INTS4: variants seen among roughly 807,000 people sequenced by gnomAD.
INTS4 encodes integrator complex subunit 4, also known as MSTP093.
In INTS4, 70 loss-of-function variants were observed where a neutral mutation model predicts 119.5. The observed-to-expected ratio is 0.59, with a 90% CI of 0.48 to 0.71. The LOEUF is 0.71. Ranked by LOEUF, INTS4 falls within the 30% of genes least tolerant of loss-of-function variation. INTS4 has a pLI of 0.00. For synonymous variants in INTS4, 316 were observed against 419.6 expected (o/e 0.75, Z 3.02); for missense variants, 867 against 1,173.2 (o/e 0.74, Z 3.81).
At chr11:77,989,229 T>C (rs1856569456) in intron 2 of INTS4, among the ~76,000 whole-genome samples, 2 of 152,202 alleles carry the variant, frequency 1.3e-5, no homozygotes, top group African/African-American at 4.8e-5. Context: ...GGCTCACACC[T>C]GTAATCCCAG....
At position 77,960,977 on chromosome 11, in the gene INTS4, G is replaced by C. The variant is rs1173392044; in HGVS notation, c.633C>G (p.Val211=). ...CCATGGCTTTTATAGCTGCTGTTCT[G>C]ACACGTGGGTCTTGGTCACTGAAGT... ...GDYFSDQDPR[V]RTAAIKAMLQ... Residue 211 remains valine (V), a synonymous_variant, in exon 5 of 23, where the codon GTC becomes GTG. Coordinates refer to ENST00000534064, the MANE Select transcript of INTS4 (RefSeq NM_033547.4). 1.9e-6 allele frequency: 3 copies of C among 1,610,192 alleles called. No homozygotes were observed. Among genetic ancestry groups the C allele is most frequent in the Non-Finnish European group, 8.5e-7 (1 of 1,178,418 alleles).
downstream of INTS4, among the ~76,000 whole-genome samples, chr11:77,877,750 T>C (rs1433990959): frequency 9.4e-6 from 1 of 106,866 alleles, no homozygotes; most frequent in Non-Finnish European, 1.9e-5. Flanking sequence ...ACACTTGCAA[T>C]TTTTTTTTTT....
In INTS4 at chr11:77,990,215, C is replaced by CAAAAAA. The variant is rs59474739; in HGVS notation, c.246+887_246+892dup. Among the ~76,000 whole-genome samples, 2 of 96,202 alleles carry CAAAAAA rather than the reference C, an allele frequency of 2.1e-5. 1 individual carries two copies. The allele number at this position is 96,202 out of a possible 152,430, so 63.1% of individuals were successfully genotyped here. On this transcript the variant is annotated intron_variant, in intron 2 of 22. Coordinates refer to ENST00000534064, the MANE Select transcript of INTS4 (RefSeq NM_033547.4). ...CCAGGCTGAGTGACAGACCAAGTCT[C>CAAAAAA]AAAAAAAAAAAAAAAAAAAATGCAA...
intron 22 of INTS4, 37 bp from the exon 23 acceptor site, chr11:77,879,164 C>A: frequency 6.2e-7 from 1 of 1,607,674 alleles, no homozygotes; most frequent in South Asian, 1.1e-5. Context: ...TATAACTAGG[C>A]AACTGCTAGG....
At chr11:77,980,004 G>T (rs1358550600) in intron 3 of INTS4, among the ~76,000 whole-genome samples, 1 of 138,282 alleles carries the variant, frequency 7.2e-6, no homozygotes, top group Non-Finnish European at 1.5e-5. Context: ...AGAAGAAACA[G>T]AAAAAAAAAA....
chr11:77,989,877 C>A (rs533453705), intron 2 of INTS4, among the ~76,000 whole-genome samples: 1 of 152,056 alleles, frequency 6.6e-6, no homozygotes, highest in Admixed American at 6.5e-5. Flanking sequence ...CCCGCCTGGG[C>A]GAGAAAGCAA....
intron 11 of INTS4, 49 bp downstream of exon 11, chr11:77,928,293 A>T: frequency 1.9e-6 from 3 of 1,573,476 alleles, no homozygotes; most frequent in African/African-American, 1.4e-5. Flanking sequence ...TGATTTTAAC[A>T]GGGGGGGGTG....
At position 77,878,722 on chromosome 11, in the gene INTS4, G is replaced by C. The variant is rs1442563941; in HGVS notation, c.*227C>G. On this transcript the variant is annotated 3_prime_UTR_variant, in exon 23 of 23. Coordinates refer to ENST00000534064, the MANE Select transcript of INTS4 (RefSeq NM_033547.4). ...TACAGACCAGGAACTAGAACAGCTT[G>C]GTGTTTTCTCAACTTTATTGTGGAC... The C allele has an allele frequency of 2.9e-6, 2 of 695,292 alleles. No individual in the cohort carries two copies. The highest frequency in any genetic ancestry group is 3.0e-5 in the South Asian group (2 of 65,724). 43.1% of individuals were successfully genotyped at this position (695,292 alleles called of 1,614,324 possible).
At chr11:77,912,379 A>G (rs968619921) in intron 15 of INTS4, among the ~76,000 whole-genome samples, 1 of 151,550 alleles carries the variant, frequency 6.6e-6, no homozygotes, top group Non-Finnish European at 1.5e-5. Context: ...AAAAAAAAAC[A>G]GCTGGATACA....
At chr11:77,876,400 GTCT>G (rs1438204709), downstream of INTS4, among the ~76,000 whole-genome samples, 1 of 146,966 alleles carries the variant, frequency 6.8e-6, no homozygotes, top group Non-Finnish European at 1.5e-5. Context: ...TTATAAAAAG[GTCT>G]TTTTTTTTTT....
At chr11:77,956,714 AATAATAAT>A (rs1565271367) in intron 7 of INTS4, among the ~76,000 whole-genome samples, 2 of 8,714 alleles carry the variant, frequency 2.3e-4, no homozygotes, top group African/African-American at 6.8e-4. Context: ...CTCAAAAAAT[AATAATAAT>A]AATAATAATA....
chr11:77,877,025 C>T (rs1405916636), downstream of INTS4: 1 of 703,118 alleles, frequency 1.4e-6, no homozygotes, highest in Admixed American at 2.0e-5. Context: ...AGCTTCATGG[C>T]ACATCCTTGA....
intron 15 of INTS4, among the ~76,000 whole-genome samples, chr11:77,913,797 AC>A (rs1487032294): frequency 1.3e-5 from 2 of 152,210 alleles, no homozygotes; most frequent in Non-Finnish European, 2.9e-5. Context: ...GGATTACAAA[AC>A]AGGGCACTGT....
chr11:77,901,247 T>C, intron 18 of INTS4, 174 bp downstream of exon 18: 1 of 742,466 alleles, frequency 1.3e-6, no homozygotes, highest in South Asian at 1.6e-5. Context: ...GGGTCTAATC[T>C]GATCCAACAA....
intron 4 of INTS4, among the ~76,000 whole-genome samples, chr11:77,966,278 G>A (rs1855502057): frequency 6.6e-6 from 1 of 151,810 alleles, no homozygotes; most frequent in African/African-American, 2.4e-5. Flanking sequence ...TTCTTTTCTT[G>A]TACAGAAACT....
rs377187803 is a variant in INTS4 at position 77,900,570 on chromosome 11, G to A, written c.2228+851C>T. On this transcript the variant is annotated intron_variant, in intron 18 of 22. Coordinates refer to ENST00000534064, the MANE Select transcript of INTS4 (RefSeq NM_033547.4). ...ATGGCACTTTTTTTTTTTTGACACA[G>A]GAGCTGGACTGAGCATCAAACATGT... The A allele has an allele frequency of 5.4e-4, 366 of 672,104 alleles. 4 individuals are homozygous for A. The African/African-American group carries it at 5.7e-3, about 11-fold the overall frequency. The allele number at this position is 672,104 out of a possible 1,614,324, so 41.6% of individuals were successfully genotyped here.
At chr11:77,988,074 A>T (rs1856525340) in intron 2 of INTS4, among the ~76,000 whole-genome samples, 1 of 152,228 alleles carries the variant, frequency 6.6e-6, no homozygotes, top group Non-Finnish European at 1.5e-5. Context: ...TTTAAAGAAA[A>T]GAACAACAAA....
chr11:77,975,037 G>T (rs1855889015), intron 4 of INTS4, among the ~76,000 whole-genome samples: 1 of 152,086 alleles, frequency 6.6e-6, no homozygotes, highest in South Asian at 2.1e-4. Context: ...TCTTTTCAGA[G>T]AAGTAAATTT....
chr11:77,979,837 G>T (rs990472089), intron 3 of INTS4, among the ~76,000 whole-genome samples: 9 of 151,634 alleles, frequency 5.9e-5, no homozygotes, highest in Non-Finnish European at 1.2e-4. Context: ...AAATAGCCAG[G>T]CATGGTGGCA....
Sources: gnomAD v4.1 joint callset for allele counts (sites outside exome capture counted in the v4.1 genomes callset) on GRCh38, gnomAD v4.1.1 for gene constraint, MANE v1.5 for transcripts, NCBI Gene and HGNC (gene_info 2026-07-23, HGNC 2026-07-21) for gene names.